Variants in DMXL2 observed in about 807,000 individuals in gnomAD.
DMXL2 encodes the protein dmX-like protein 2.
In DMXL2, 103 loss-of-function variants were observed where a neutral mutation model predicts 331.1. The observed-to-expected ratio is 0.31, with a 90% CI of 0.27 to 0.37. The LOEUF is 0.37. DMXL2 is among the 10% of genes least tolerant of loss of function. The probability of loss-of-function intolerance (pLI) is 1.00; values close to 1 mark genes in which losing one functional copy is unlikely to be tolerated. For synonymous variants in DMXL2, 1,281 were observed against 1,252.1 expected, an observed-to-expected ratio of 1.02 and a Z score of -0.49; for missense variants, 3,171 against 3,642.9, an observed-to-expected ratio of 0.87 and a Z score of 3.33.
chr15:51,573,137 C>A (rs8035135), intron 2 of DMXL2, among the ~76,000 whole-genome samples: 76,425 of 151,904 alleles, frequency 0.5, 19,387 homozygotes, highest in Non-Finnish European at 0.52. Context: ...AATCAAAACC[C>A]CAATGAGATA....
chr15:51,576,287 A>G, intron 1 of DMXL2, 106 bp from the exon 2 acceptor site: 1 of 831,942 alleles, frequency 1.2e-6, no homozygotes, highest in Non-Finnish European at 1.7e-6. Context: ...TATAAAGTAT[A>G]CCTTGGGACA....
chr15:51,524,473 T>C lies in DMXL2; in HGVS notation c.2437-7306A>G, dbSNP rs538265038. On this transcript the variant is annotated intron_variant, in intron 13 of 43. Coordinates refer to ENST00000560891, the MANE Select transcript of DMXL2 (RefSeq NM_001378457.1). ...GGTAAGCATTCACAGTACCCAGTTT[T>C]AACTTCATTATCACTGAAAGAAGCA... Among the ~76,000 whole-genome samples, 8 of 152,286 alleles carry C rather than the reference T, an allele frequency of 5.3e-5. No homozygotes were observed. The East Asian group carries it at 1.5e-3, about 29-fold the overall frequency.
chr15:51,570,094 A>G (rs1414788290), intron 2 of DMXL2, among the ~76,000 whole-genome samples: 1 of 152,172 alleles, frequency 6.6e-6, no homozygotes, highest in Admixed American at 6.5e-5. Context: ...AGAGAGGAAC[A>G]TAAATGACCT....
At chr15:51,546,149 T>A (rs140168062) in intron 7 of DMXL2, among the ~76,000 whole-genome samples, 1 of 152,282 alleles carries the variant, frequency 6.6e-6, no homozygotes, top group Non-Finnish European at 1.5e-5. Context: ...CTTTACATCC[T>A]CCTTCCTATA....
intron 1 of DMXL2, among the ~76,000 whole-genome samples, chr15:51,597,919 C>G (rs923970828): frequency 6.6e-6 from 1 of 152,040 alleles, no homozygotes; most frequent in Admixed American, 6.6e-5. Flanking sequence ...AAATATTTAC[C>G]GGTCATTTAG....
chr15:51,602,435 CT>C lies in DMXL2; in HGVS notation c.87+20023del, dbSNP rs1416770041. On this transcript the variant is annotated intron_variant, in intron 1 of 43. Transcript: ENST00000560891. ...GAGAGTAGAGTGGATCCACGTTGCT[CT>C]TTTTCTTTCTCTACAGGTACTTTGG... 4.6e-5 allele frequency among the ~76,000 whole-genome samples: 7 copies of C among 152,226 alleles called. No homozygotes were observed. In the East Asian group the frequency reaches 1.4e-3, roughly 29 times the overall value.
At chr15:51,502,282 T>C (rs1376119273) in intron 17 of DMXL2, among the ~76,000 whole-genome samples, 2 of 148,212 alleles carry the variant, frequency 1.3e-5, no homozygotes, top group Non-Finnish European at 3.0e-5. Flanking sequence ...GCTGATTACA[T>C]TTATCACAGG....
chr15:51,517,937 A>T (rs1041222025), intron 13 of DMXL2, among the ~76,000 whole-genome samples: 1 of 152,184 alleles, frequency 6.6e-6, no homozygotes, highest in Non-Finnish European at 1.5e-5. Context: ...GGGTTATTAG[A>T]TCAAAAGAAA....
chr15:51,591,689 A>G (rs2052353271), intron 1 of DMXL2, among the ~76,000 whole-genome samples: 1 of 152,206 alleles, frequency 6.6e-6, no homozygotes, highest in Admixed American at 6.5e-5. Context: ...CAGTAGGGGC[A>G]GACTGACACC....
chr15:51,502,660 C>T lies in DMXL2; in HGVS notation c.2992+146G>A. 6.2e-6 allele frequency: 4 copies of T among 644,634 alleles called. No homozygotes were observed. The South Asian group carries it at 7.9e-5, about 13-fold the overall frequency. The allele number at this position is 644,634 out of a possible 1,614,324, so 39.9% of individuals were successfully genotyped here. A position where few individuals can be genotyped will look rare whatever the true frequency, so the allele number is the denominator to read the frequency against. ...CTAATAAAGACATGTTTCTAACCAT[C>T]TAGACATATCATTAATAGAAAATCA... On this transcript the variant is annotated intron_variant, in intron 17 of 43. Transcript: ENST00000560891.
chr15:51,614,706 C>G (rs2054183001), intron 1 of DMXL2, among the ~76,000 whole-genome samples: 1 of 152,108 alleles, frequency 6.6e-6, no homozygotes, highest in South Asian at 2.1e-4. Context: ...TTATTGAGTA[C>G]TTTTTTGTAC....
chr15:51,495,830 A>G (rs1484963900), intron 18 of DMXL2, among the ~76,000 whole-genome samples: 2 of 152,112 alleles, frequency 1.3e-5, no homozygotes, highest in Non-Finnish European at 1.5e-5. Flanking sequence ...ATAGAATCAA[A>G]TAGTATTTTC....
rs1258993914 is a variant in DMXL2, at chr15:51,455,134, C to T, written c.8604+17G>A. ...GTGTTGTGTATATGCGCCCTGGGAA[C>T]ATTTAGTGATACTTACCATATAAGG... is the stretch of plus-strand genomic sequence containing the variant. On this transcript the variant is annotated intron_variant, in intron 40 of 43. Transcript: ENST00000560891. 5 of 1,602,660 alleles carry T rather than the reference C, an allele frequency of 3.1e-6. No homozygotes were observed. Among genetic ancestry groups the T allele is most frequent in the Non-Finnish European group, 4.3e-6 (5 of 1,169,690 alleles).
chr15:51,544,556 C>A (rs1486120214), intron 8 of DMXL2, among the ~76,000 whole-genome samples: 1 of 152,082 alleles, frequency 6.6e-6, no homozygotes, highest in Non-Finnish European at 1.5e-5. Flanking sequence ...CCTGAGGAGG[C>A]CTACTTCACA....
chr15:51,552,456 TTA>T (rs1278106358), intron 6 of DMXL2, among the ~76,000 whole-genome samples: 1 of 152,184 alleles, frequency 6.6e-6, no homozygotes, highest in East Asian at 1.9e-4. Context: ...CATTAAAACT[TTA>T]TGATTCCACA....
At chr15:51,517,571 G>T (rs900209887) in intron 13 of DMXL2, among the ~76,000 whole-genome samples, 7 of 152,198 alleles carry the variant, frequency 4.6e-5, no homozygotes, top group African/African-American at 1.7e-4. Flanking sequence ...TTGGGATAAG[G>T]ATGTATGAAC....
intron 39 of DMXL2, among the ~76,000 whole-genome samples, chr15:51,455,769 G>C (rs1226095514): frequency 1.3e-5 from 2 of 152,084 alleles, no homozygotes; most frequent in East Asian, 3.9e-4. Flanking sequence ...TAAGAAACTA[G>C]GTTTCTCTCA....
intron 20 of DMXL2, among the ~76,000 whole-genome samples, chr15:51,491,325 C>T (rs2042778735): frequency 6.6e-6 from 1 of 152,020 alleles, no homozygotes; most frequent in Admixed American, 6.5e-5. Context: ...CCTGTAGTCC[C>T]AGTTACTCAG....
chr15:51,497,931 G>A (rs1434259434), intron 18 of DMXL2, among the ~76,000 whole-genome samples: 2 of 152,070 alleles, frequency 1.3e-5, no homozygotes, highest in East Asian at 3.8e-4. Context: ...ATCAATCTGT[G>A]TTAAAAAACA....
Sources: allele counts gnomAD v4.1 joint callset (sites outside exome capture counted in the v4.1 genomes callset), GRCh38; gene constraint gnomAD v4.1.1; transcripts MANE v1.5; gene names NCBI Gene and HGNC (gene_info 2026-07-23, HGNC 2026-07-21).